Variants in CABLES1 observed in about 807,000 individuals in gnomAD.
CABLES1 encodes CDK5 and ABL1 enzyme substrate 1.
Under a neutral mutation model 57.8 loss-of-function variants are expected in CABLES1, and 36 were observed. The observed-to-expected ratio is 0.62, with a 90% confidence interval of 0.48 to 0.82. CABLES1 has a LOEUF of 0.82. Among genes scored for constraint, CABLES1 ranks in the 40% least tolerant of loss-of-function variants. CABLES1 has a pLI of 0.00. For synonymous variants in CABLES1, 374 were observed against 363.0 expected (o/e 1.03, Z -0.35); for missense variants, 767 against 836.6 (o/e 0.92, Z 1.03).
At chr18:23,250,759 T>C (rs1055424940) in intron 7 of CABLES1, among the ~76,000 whole-genome samples, 3 of 152,174 alleles carry the variant, frequency 2.0e-5, no homozygotes, top group African/African-American at 7.2e-5. Flanking sequence ...CCAGAAAGAC[T>C]ATGTATCAGA....
At chr18:23,174,514 C>G (rs534988292) in intron 1 of CABLES1, among the ~76,000 whole-genome samples, 2 of 151,480 alleles carry the variant, frequency 1.3e-5, no homozygotes, top group East Asian at 3.9e-4. Flanking sequence ...CTGTGTCGCC[C>G]AGGCTGGAGT....
At chr18:23,186,206 G>A (rs2047201485) in intron 1 of CABLES1, among the ~76,000 whole-genome samples, 1 of 152,214 alleles carries the variant, frequency 6.6e-6, no homozygotes, top group Non-Finnish European at 1.5e-5. Flanking sequence ...GGGACACTCA[G>A]CCTGCTCCTG....
chr18:23,223,529 G>C (rs574835955), intron 4 of CABLES1, among the ~76,000 whole-genome samples: 3 of 147,642 alleles, frequency 2.0e-5, no homozygotes, highest in Non-Finnish European at 4.4e-5. Context: ...AGTGAGCCGA[G>C]ATCTCGCCAT....
At chr18:23,192,307 C>T (rs2047250005) in intron 2 of CABLES1, among the ~76,000 whole-genome samples, 1 of 152,264 alleles carries the variant, frequency 6.6e-6, no homozygotes, top group Non-Finnish European at 1.5e-5. Context: ...TGGATGGATG[C>T]TGGTGGCCGC....
At chr18:23,237,340 C>G (rs575119100) in intron 7 of CABLES1, 95 bp downstream of exon 7, 3 of 837,036 alleles carry the variant, frequency 3.6e-6, no homozygotes, top group Non-Finnish European at 4.2e-6. Flanking sequence ...GACTGCTCTG[C>G]CTGGGGGACC....
intron 1 of CABLES1, among the ~76,000 whole-genome samples, chr18:23,156,233 A>G (rs2046964979): frequency 6.6e-6 from 1 of 152,194 alleles, no homozygotes; most frequent in African/African-American, 2.4e-5. Flanking sequence ...TCTCACATGG[A>G]TAAGAAGGAA....
chr18:23,195,834 C>G (rs2047278632), intron 3 of CABLES1, among the ~76,000 whole-genome samples: 1 of 152,082 alleles, frequency 6.6e-6, no homozygotes, highest in Non-Finnish European at 1.5e-5. Context: ...TCTTTTGAGG[C>G]TTTTACTTAC....
intron 7 of CABLES1, among the ~76,000 whole-genome samples, chr18:23,244,694 T>C (rs1338059866): frequency 6.6e-6 from 1 of 152,384 alleles, no homozygotes; most frequent in South Asian, 2.1e-4. Flanking sequence ...CTGTTGGCGC[T>C]GGAAGGAGCT....
chr18:23,134,700 C>T (rs1598790478), upstream of CABLES1: 1 of 152,196 alleles, frequency 6.6e-6, no homozygotes, highest in Admixed American at 6.5e-5. Flanking sequence ...CCTGGGTCTT[C>T]ACAGAAAATG....
intron 4 of CABLES1, among the ~76,000 whole-genome samples, chr18:23,227,761 T>G (rs1417671831): frequency 6.6e-6 from 1 of 152,210 alleles, no homozygotes; most frequent in East Asian, 1.9e-4. Flanking sequence ...AGCTCACAAG[T>G]GGTATTTCCT....
intron 4 of CABLES1, among the ~76,000 whole-genome samples, chr18:23,231,006 A>C (rs74712943): frequency 0.059 from 8,911 of 152,274 alleles, 699 homozygotes; most frequent in Admixed American, 0.23. Context: ...CATGGGTCCC[A>C]TTTGATCATG....
At chr18:23,190,678 C>CA (rs1240468541) in intron 2 of CABLES1, 19 of 152,200 alleles carry the variant, frequency 1.2e-4, no homozygotes, top group African/African-American at 4.1e-4. Flanking sequence ...CAGAATACTG[C>CA]ACTGAACCTC....
intron 7 of CABLES1, among the ~76,000 whole-genome samples, chr18:23,239,383 G>T (rs937025625): frequency 1.4e-4 from 22 of 152,202 alleles, no homozygotes; most frequent in African/African-American, 4.6e-4. Context: ...TCCTATTCTG[G>T]CCACAGATGT....
chr18:23,234,533 C>A, intron 4 of CABLES1, 75 bp from the exon 5 acceptor site: 1 of 1,047,896 alleles, frequency 9.5e-7, no homozygotes, highest in South Asian at 1.3e-5. Context: ...TGTGTTGTCT[C>A]ATGGAGTAAG....
chr18:23,143,433 G>C (rs570667258), intron 1 of CABLES1, among the ~76,000 whole-genome samples: 1 of 152,224 alleles, frequency 6.6e-6, no homozygotes, highest in South Asian at 2.1e-4. Flanking sequence ...CTGGGTCCTC[G>C]TCTGTGAAAT....
chr18:23,207,967 T>G (rs1017268182), intron 3 of CABLES1, among the ~76,000 whole-genome samples: 2 of 152,172 alleles, frequency 1.3e-5, no homozygotes, highest in African/African-American at 4.8e-5. Flanking sequence ...ATCAGACCAT[T>G]TAACTCATGC....
chr18:23,242,033 T>C (rs768093637), intron 7 of CABLES1, among the ~76,000 whole-genome samples: 1 of 152,180 alleles, frequency 6.6e-6, no homozygotes, highest in African/African-American at 2.4e-5. Flanking sequence ...CCCTGCACTT[T>C]GGAAGGCCGA....
intron 3 of CABLES1, among the ~76,000 whole-genome samples, chr18:23,208,547 A>AT (rs749143425): frequency 2.0e-5 from 3 of 152,078 alleles, no homozygotes; most frequent in Non-Finnish European, 4.4e-5. Flanking sequence ...AGTTTTCCAA[A>AT]TTTCATAATA....
intron 1 of CABLES1, among the ~76,000 whole-genome samples, chr18:23,188,507 C>G (rs746795550): frequency 1.1e-4 from 17 of 151,226 alleles, no homozygotes; most frequent in Non-Finnish European, 2.4e-4. Flanking sequence ...ACACAGCGCT[C>G]AAGTTATCCT....
Sources: allele counts gnomAD v4.1 joint callset (sites outside exome capture counted in the v4.1 genomes callset), GRCh38; gene constraint gnomAD v4.1.1; transcripts MANE v1.5; gene names NCBI Gene and HGNC (gene_info 2026-07-23, HGNC 2026-07-21).